Variants in DMXL2 observed in about 807,000 individuals in gnomAD.
DMXL2 encodes dmX-like protein 2.
DMXL2 carries 103 observed loss-of-function variants against 331.1 expected under a neutral mutation model. That is an observed-to-expected ratio of 0.31 (90% CI 0.27 to 0.37). The LOEUF is 0.37. DMXL2 is among the 10% of genes least tolerant of loss of function. The probability of loss-of-function intolerance (pLI) is 1.00; values close to 1 mark genes in which losing one functional copy is unlikely to be tolerated. For synonymous variants in DMXL2, 1,281 were observed against 1,252.1 expected (o/e 1.02, Z -0.49); for missense variants, 3,171 against 3,642.9 (o/e 0.87, Z 3.33).
At chr15:51,491,525 C>G (rs528991922) in intron 20 of DMXL2, 53 bp downstream of exon 20, 2 of 1,513,356 alleles carry the variant, frequency 1.3e-6, no homozygotes, top group Non-Finnish European at 1.8e-6. Context: ...ATCTTTTTTT[C>G]GTTAGGAAAA....
Position 51,560,773 on chromosome 15 carries a change from AC to A in DMXL2, c.567+2607del, listed in dbSNP as rs2049915869. Among the ~76,000 whole-genome samples the A allele has an allele frequency of 2.6e-5, 4 of 151,886 alleles. No individual in the cohort carries two copies. The South Asian group carries it at 6.2e-4, about 24-fold the overall frequency. On this transcript the variant is annotated intron_variant, in intron 6 of 43. Transcript: ENST00000560891. ...TTATTTGGGAATTTAGATGAGTGAAACTTTTTTAAATAAAATAATAAACATG... is the reference window on the plus strand; with the variant it reads ...TTATTTGGGAATTTAGATGAGTGAAATTTTTTAAATAAAATAATAAACATG...
intron 19 of DMXL2, among the ~76,000 whole-genome samples, chr15:51,494,349 T>C (rs1188592146): frequency 6.6e-6 from 1 of 152,180 alleles, no homozygotes; most frequent in Non-Finnish European, 1.5e-5. Context: ...CTAAGACGTA[T>C]ATTATGGGAC....
chr15:51,480,543 T>G lies in DMXL2; in HGVS notation c.6563A>C (p.Gln2188Pro), dbSNP rs1469633199. The G allele has an allele frequency of 6.6e-7, 1 of 1,513,220 alleles. No homozygotes were observed. The highest frequency in any genetic ancestry group is 1.4e-5 in the African/African-American group (1 of 71,716). The allele number at this position is 1,513,220 out of a possible 1,614,324, so 93.7% of individuals were successfully genotyped here. ...TTGAAAAAAAAGTGATATTCACACC[T>G]GTTGTGATTCTTGTAGCAAAAATTT... ...ELKFLLQESQQETTVKQLQSP... is the reference protein window; with the variant it reads ...ELKFLLQESQPETTVKQLQSP... The change falls in exon 24 of 44, where the codon CAG (glutamine) becomes CCG (proline). Residue 2188 changes from glutamine (Q) to proline (P), a missense_variant and splice_region_variant. By Grantham distance (76) the Gln-to-Pro change is moderately conservative. Transcript: ENST00000560891.
chr15:51,485,931 GAC>G (rs2042362698), intron 23 of DMXL2, 140 bp downstream of exon 23: 1 of 831,398 alleles, frequency 1.2e-6, no homozygotes, highest in Non-Finnish European at 1.8e-6. Context: ...TAATCCTTTA[GAC>G]ACACAAGAAA....
At chr15:51,541,346 A>G (rs923213024) in intron 9 of DMXL2, among the ~76,000 whole-genome samples, 15 of 152,176 alleles carry the variant, frequency 9.9e-5, no homozygotes, top group African/African-American at 3.6e-4. Context: ...GACTCAACAT[A>G]TATAAAATAG....
intron 2 of DMXL2, among the ~76,000 whole-genome samples, chr15:51,570,158 A>T (rs917628943): frequency 6.6e-6 from 1 of 152,124 alleles, no homozygotes; most frequent in Non-Finnish European, 1.5e-5. Flanking sequence ...ACAAGTTATC[A>T]ATAGCCGAAC....
intron 1 of DMXL2, among the ~76,000 whole-genome samples, chr15:51,612,107 C>T (rs1006591359): frequency 6.6e-6 from 1 of 152,106 alleles, no homozygotes. Flanking sequence ...AGGAAGACCA[C>T]GAACCCACTG....
intron 33 of DMXL2, chr15:51,459,921 TAC>T: frequency 9.0e-7 from 1 of 1,107,526 alleles, no homozygotes; most frequent in Non-Finnish European, 1.1e-6. Context: ...GTTATCTGTA[TAC>T]AGTTTTAAGA....
chr15:51,563,369 T>C lies in DMXL2; in HGVS notation c.567+12A>G. The C allele has an allele frequency of 6.3e-7, 1 of 1,582,912 alleles. No homozygotes were observed. Among genetic ancestry groups the C allele is most frequent in the Non-Finnish European group, 8.6e-7 (1 of 1,159,628 alleles). ...ATTTGTTTATTTCGTATGTTTTTGT[T>C]TGATCCTTTACCTTTCCAGCAGTAG... is the stretch of plus-strand genomic sequence containing the variant. On this transcript the variant is annotated intron_variant, in intron 6 of 43. Coordinates refer to ENST00000560891, the MANE Select transcript of DMXL2 (RefSeq NM_001378457.1).
Position 51,542,516 on chromosome 15 carries a change from G to C in DMXL2, c.931-9C>G. 6.3e-7 allele frequency: 1 copy of C among 1,596,388 alleles called. No homozygotes were observed. Among genetic ancestry groups the C allele is most frequent in the Non-Finnish European group, 8.6e-7 (1 of 1,169,164 alleles). On this transcript the variant is annotated splice_polypyrimidine_tract_variant and intron_variant, in intron 8 of 43. Transcript: ENST00000560891. Reference sequence around the variant, plus strand: ...TTCAAATGGTGTATTGTCTAAAATAGAAAAATAGTTGCTGAGTCCAACTCT... The same window carrying C: ...TTCAAATGGTGTATTGTCTAAAATACAAAAATAGTTGCTGAGTCCAACTCT...
chr15:51,456,886 T>C (rs73399525), intron 37 of DMXL2, among the ~76,000 whole-genome samples: 9,858 of 152,196 alleles, frequency 0.065, 918 homozygotes, highest in African/African-American at 0.21. Flanking sequence ...AAGAAAGTCA[T>C]ATGAGGCCAG....
chr15:51,463,434 A>C lies in DMXL2; in HGVS notation c.7871T>G (p.Val2624Gly). 1 of 1,601,540 alleles carries C rather than the reference A, an allele frequency of 6.2e-7. No homozygotes were observed. Among genetic ancestry groups the C allele is most frequent in the Non-Finnish European group, 8.5e-7 (1 of 1,175,610 alleles). ...ATATCTAATAAATGTCTCTTGAAGG[A>C]CCTCTTGTTTAACAAGGAAATGCCA... ...RLWHFLVKQE[V>G]LQETFIRYIF... The change falls in exon 33 of 44, where the codon GTC (valine) becomes GGC (glycine). Residue 2624 changes from valine (V) to glycine (G), a missense_variant. Transcript: ENST00000560891.
chr15:51,491,619 A>C lies in DMXL2; in HGVS notation c.4912T>G (p.Trp1638Gly). ...SELRAMGIGW[W>G]VRNINTLRRC... ...CGAAGCGTGTTAATGTTCCTCACCC[A>C]CCATCCTATGCCCATAGCTCTTAAT... Residue 1638 changes from tryptophan to glycine, a missense_variant, in exon 20 of 44, where the codon TGG (tryptophan) becomes GGG (glycine). By Grantham distance (184) the Trp-to-Gly change is radical. Coordinates refer to ENST00000560891, the MANE Select transcript of DMXL2 (RefSeq NM_001378457.1). 6.2e-7 allele frequency: 1 copy of C among 1,611,432 alleles called. No homozygotes were observed. Among genetic ancestry groups the C allele is most frequent in the Non-Finnish European group, 8.5e-7 (1 of 1,179,206 alleles).
chr15:51,506,601 C>T (rs1212101344), intron 16 of DMXL2, among the ~76,000 whole-genome samples: 1 of 151,908 alleles, frequency 6.6e-6, no homozygotes, highest in East Asian at 1.9e-4. Flanking sequence ...CTACAGGCGC[C>T]CGCCACCACG....
At chr15:51,453,134 T>G (rs1426119864) in intron 41 of DMXL2, 1 of 167,526 alleles carries the variant, frequency 6.0e-6, no homozygotes, top group East Asian at 1.8e-4. Context: ...CTGGGTACAG[T>G]GTACACTGCT....
chr15:51,600,056 C>T (rs2053118406), intron 1 of DMXL2, among the ~76,000 whole-genome samples: 1 of 152,164 alleles, frequency 6.6e-6, no homozygotes. Context: ...ACCTGGCTCA[C>T]AATATCCAAA....
At chr15:51,486,453 G>A (rs1387276820) in intron 22 of DMXL2, 116 bp from the exon 23 acceptor site, 3 of 791,666 alleles carry the variant, frequency 3.8e-6, no homozygotes, top group Non-Finnish European at 5.9e-6. Flanking sequence ...TGGGCGAAGG[G>A]ACAGTGAAGG....
At chr15:51,463,224 G>C in intron 33 of DMXL2, 155 bp downstream of exon 33, 1 of 504,950 alleles carries the variant, frequency 2.0e-6, no homozygotes, top group East Asian at 3.7e-5. Flanking sequence ...AAAATTATAA[G>C]GTTTTATCTT....
At chr15:51,610,797 C>A (rs969449951) in intron 1 of DMXL2, among the ~76,000 whole-genome samples, 1 of 151,852 alleles carries the variant, frequency 6.6e-6, no homozygotes, top group Admixed American at 6.6e-5. Context: ...TAAAAACTGA[C>A]CAACTGAAAT....
Sources: allele counts gnomAD v4.1 joint callset (sites outside exome capture counted in the v4.1 genomes callset), GRCh38; gene constraint gnomAD v4.1.1; transcripts MANE v1.5; gene names NCBI Gene and HGNC (gene_info 2026-07-23, HGNC 2026-07-21).